Variants in IGF2BP1 observed in about 807,000 individuals in gnomAD.
The protein encoded by IGF2BP1 is insulin like growth factor 2 mRNA binding protein 1.
A neutral mutation model predicts 74.9 loss-of-function variants in IGF2BP1; 11 were observed. The observed-to-expected ratio is 0.15, with a 90% CI of 0.09 to 0.24. The LOEUF (loss-of-function observed/expected upper bound fraction) is 0.24, where lower values mean the gene tolerates loss of function less well. Ranked by LOEUF, IGF2BP1 falls within the 10% of genes least tolerant of loss-of-function variation. IGF2BP1 has a pLI of 1.00. For synonymous variants in IGF2BP1, 287 were observed against 281.8 expected, an observed-to-expected ratio of 1.02 and a Z score of -0.18; for missense variants, 440 against 757.4, an observed-to-expected ratio of 0.58 and a Z score of 4.92.
intron 2 of IGF2BP1, among the ~76,000 whole-genome samples, chr17:49,023,130 A>T (rs2041812260): frequency 6.6e-6 from 1 of 152,218 alleles, no homozygotes; most frequent in Non-Finnish European, 1.5e-5. Flanking sequence ...GTTCTAGGAA[A>T]TTCCTCACAA....
intron 4 of IGF2BP1, among the ~76,000 whole-genome samples, chr17:49,030,422 G>A (rs1464083376): frequency 2.0e-5 from 3 of 152,068 alleles, no homozygotes; most frequent in African/African-American, 7.2e-5. Context: ...GATTACAGGC[G>A]TGAGCCACTG....
intron 2 of IGF2BP1, among the ~76,000 whole-genome samples, chr17:49,002,937 A>T (rs925677221): frequency 1.3e-5 from 2 of 152,146 alleles, no homozygotes; most frequent in African/African-American, 4.8e-5. Context: ...GGCAGTGGCA[A>T]CTGACTGTCC....
At chr17:49,044,192 T>C in intron 11 of IGF2BP1, 106 bp downstream of exon 11, 2 of 1,457,780 alleles carry the variant, frequency 1.4e-6, no homozygotes, top group Non-Finnish European at 1.9e-6. Context: ...GAATTCTGTG[T>C]GTCATATGAG....
At chr17:49,014,865 G>C in intron 2 of IGF2BP1, 1 of 985,354 alleles carries the variant, frequency 1.0e-6, no homozygotes. Context: ...AGATTGCTTT[G>C]GAGGCTGGTC....
In IGF2BP1 at chr17:49,054,055, A is replaced by G. The variant is rs1198123732; in HGVS notation, c.*4611A>G. 6.5e-6 allele frequency: 1 copy of G among 152,700 alleles called. No individual in the cohort carries two copies. The highest frequency in any genetic ancestry group is 6.5e-5 in the Admixed American group (1 of 15,290). 9.5% of individuals were successfully genotyped at this position (152,700 alleles called of 1,614,324 possible). ...AACATTTCTCTGTATTCAGACTTAG[A>G]GTAACACCAGCTGAAAACTGCAGTT... On this transcript the variant is annotated 3_prime_UTR_variant, in exon 15 of 15. Coordinates refer to ENST00000290341, the MANE Select transcript of IGF2BP1 (RefSeq NM_006546.4).
Position 48,997,736 on chromosome 17 carries a change from G to C in IGF2BP1, c.-10G>C. 1 of 1,612,006 alleles carries C rather than the reference G, an allele frequency of 6.2e-7. No homozygotes were observed. Among genetic ancestry groups the C allele is most frequent in the Non-Finnish European group, 8.5e-7 (1 of 1,178,750 alleles). ...TGCCCGGGACCGCGTCCTGCCCCGAGACCGCCACCATGAACAAGCTTTACA... is the reference window on the plus strand; with the variant it reads ...TGCCCGGGACCGCGTCCTGCCCCGACACCGCCACCATGAACAAGCTTTACA... On this transcript the variant is annotated 5_prime_UTR_variant, in exon 1 of 15. Coordinates refer to ENST00000290341, the MANE Select transcript of IGF2BP1 (RefSeq NM_006546.4). This position sits in a 1 kb window ranked among gnomAD's most constrained non-coding sequence, Gnocchi z 4.8.
chr17:49,036,040 C>A (rs1486775666), intron 5 of IGF2BP1, among the ~76,000 whole-genome samples: 1 of 152,104 alleles, frequency 6.6e-6, no homozygotes, highest in African/African-American at 2.4e-5. Context: ...CTAACTTAAT[C>A]CTCACGGTGA....
intron 4 of IGF2BP1, among the ~76,000 whole-genome samples, chr17:49,029,432 G>C (rs77276550): frequency 2.9e-4 from 44 of 152,254 alleles, no homozygotes; most frequent in African/African-American, 1.0e-3. Context: ...AGTGAACTCT[G>C]ATTACGCCAC....
At chr17:49,027,620 AG>A (rs2041872826) in intron 4 of IGF2BP1, among the ~76,000 whole-genome samples, 1 of 152,068 alleles carries the variant, frequency 6.6e-6, no homozygotes, top group Admixed American at 6.6e-5. Flanking sequence ...TGGGAGGCCG[AG>A]GCAGGCGGAT....
intron 12 of IGF2BP1, 52 bp from the exon 13 acceptor site, chr17:49,045,838 C>G (rs2042102715): frequency 1.3e-6 from 2 of 1,575,632 alleles, no homozygotes; most frequent in East Asian, 2.3e-5. Context: ...CCACTTTTCT[C>G]TTTTGTCACA....
chr17:49,014,986 C>G, intron 2 of IGF2BP1: 7 of 968,794 alleles, frequency 7.2e-6, no homozygotes, highest in Non-Finnish European at 8.6e-6. Flanking sequence ...CCACTGGGCA[C>G]CAGCTCCATC....
chr17:49,052,612 G>A lies in IGF2BP1; in HGVS notation c.*3168G>A, dbSNP rs1389969674. The A allele has an allele frequency of 6.6e-6, 1 of 152,524 alleles. No individual in the cohort carries two copies. The highest frequency in any genetic ancestry group is 2.4e-5 in the African/African-American group (1 of 41,522). The allele number at this position is 152,524 out of a possible 1,614,324, so 9.4% of individuals were successfully genotyped here. A position where few individuals can be genotyped will look rare whatever the true frequency, so the allele number is the denominator to read the frequency against. ...CCAGAAAGCAAAAGGAGCATGGTTT[G>A]GTGGTTAAGGTTTAGTGGGATGAAG... On this transcript the variant is annotated 3_prime_UTR_variant, in exon 15 of 15. Transcript: ENST00000290341.
intron 10 of IGF2BP1, 137 bp downstream of exon 10, chr17:49,043,687 C>A: frequency 9.1e-7 from 1 of 1,094,406 alleles, no homozygotes; most frequent in Non-Finnish European, 1.3e-6. Flanking sequence ...GGCATCCCTC[C>A]TCTCCAGTGC....
intron 2 of IGF2BP1, among the ~76,000 whole-genome samples, chr17:49,022,220 C>G (rs1348823051): frequency 6.6e-6 from 1 of 152,180 alleles, no homozygotes; most frequent in Non-Finnish European, 1.5e-5. Flanking sequence ...TCAGCCTACA[C>G]CAGGCCTTCT....
rs796200369 is a variant in IGF2BP1, at chr17:49,032,089, G to A, written c.401+116G>A. ...TCTAGGCAGGCTGGGTCCCCATCCA[G>A]GGTTCTGATATTAGCCCAAGCCAAA... is the stretch of plus-strand genomic sequence containing the variant. On this transcript the variant is annotated intron_variant, in intron 5 of 14. Transcript: ENST00000290341. The A allele has an allele frequency of 1.0e-5, 9 of 879,134 alleles. No individual in the cohort carries two copies. In the African/African-American group the frequency reaches 1.5e-4, roughly 15 times the overall value. 54.5% of individuals were successfully genotyped at this position (879,134 alleles called of 1,614,324 possible). A position where few individuals can be genotyped will look rare whatever the true frequency, so the allele number is the denominator to read the frequency against.
chr17:49,017,640 A>G (rs1463895047), intron 2 of IGF2BP1, among the ~76,000 whole-genome samples: 3 of 152,056 alleles, frequency 2.0e-5, no homozygotes, highest in Non-Finnish European at 4.4e-5. Flanking sequence ...TCAGAGTCTC[A>G]CTCTGTTGCT....
chr17:48,999,606 C>T (rs1458656335), intron 2 of IGF2BP1, among the ~76,000 whole-genome samples: 2 of 152,060 alleles, frequency 1.3e-5, no homozygotes, highest in Non-Finnish European at 2.9e-5. Flanking sequence ...GTGGATTGCC[C>T]TTCTCCCGAA....
intron 5 of IGF2BP1, 83 bp downstream of exon 5, chr17:49,032,056 C>G: frequency 1.6e-6 from 2 of 1,262,438 alleles, no homozygotes; most frequent in Non-Finnish European, 2.3e-6. Flanking sequence ...ACTTTTTCCT[C>G]AGGGGGGTCT....
chr17:49,041,553 G>C, intron 8 of IGF2BP1, 53 bp downstream of exon 8: 1 of 1,608,104 alleles, frequency 6.2e-7, no homozygotes, highest in Non-Finnish European at 8.5e-7. Flanking sequence ...ATGGGGGCCA[G>C]GGTCAGTATT....
Sources: allele counts gnomAD v4.1 joint callset (sites outside exome capture counted in the v4.1 genomes callset), GRCh38; gene constraint gnomAD v4.1.1; non-coding constraint Gnocchi (gnomAD v3.1); transcripts MANE v1.5; gene names NCBI Gene and HGNC (gene_info 2026-07-23, HGNC 2026-07-21).